The following DMD variants were observed in gnomAD, a reference collection of about 807,000 sequenced individuals.
The protein encoded by DMD is mutant dystrophin.
In DMD, 63 loss-of-function variants were observed where a neutral mutation model predicts 330.1. The observed-to-expected ratio is 0.19, with a 90% CI of 0.16 to 0.24. The LOEUF (loss-of-function observed/expected upper bound fraction) is 0.24, where lower values mean the gene tolerates loss of function less well. DMD is among the 10% of genes least tolerant of loss of function. The probability of loss-of-function intolerance (pLI) is 1.00; values close to 1 mark genes in which losing one functional copy is unlikely to be tolerated. For missense variants in DMD, 3,344 were observed against 2,684.1 expected, an observed-to-expected ratio of 1.25 and a Z score of -5.43; for synonymous variants, 1,223 against 959.8, an observed-to-expected ratio of 1.27 and a Z score of -5.07.
chrX:32,109,253 T>G (rs2096578407), intron 44 of DMD, among the ~76,000 whole-genome samples: 1 of 111,320 alleles, frequency 9.0e-6, no homozygotes, highest in Non-Finnish European at 1.9e-5. Context: ...ATTTTTTTTT[T>G]GCATTTAGAG....
At chrX:31,359,897 C>A (rs984200878) in intron 60 of DMD, among the ~76,000 whole-genome samples, 4 of 112,038 alleles carry the variant, frequency 3.6e-5, no homozygotes, top group Non-Finnish European at 7.5e-5. Flanking sequence ...TTTCTGATAA[C>A]TGCAAATTGC....
At chrX:31,202,200 CAA>C (rs1205712344) in intron 67 of DMD, among the ~76,000 whole-genome samples, 1 of 110,865 alleles carries the variant, frequency 9.0e-6, no homozygotes, top group African/African-American at 3.3e-5. Context: ...CAAAACAAAA[CAA>C]AAAAAACACA....
intron 1 of DMD, among the ~76,000 whole-genome samples, chrX:33,330,870 C>T (rs1019795694): frequency 2.7e-5 from 3 of 111,615 alleles, no homozygotes; most frequent in East Asian, 2.8e-4. Context: ...CCAGTTTTTC[C>T]ACATCACTCA....
At chrX:31,192,722 C>T (rs188819407) in intron 67 of DMD, among the ~76,000 whole-genome samples, 1 of 112,021 alleles carries the variant, frequency 8.9e-6, no homozygotes, top group African/African-American at 3.2e-5. Flanking sequence ...GTTAAGGAAA[C>T]AGCTTAAGAT....
intron 60 of DMD, among the ~76,000 whole-genome samples, chrX:31,386,351 T>C (rs887920818): frequency 7.2e-5 from 8 of 111,300 alleles, no homozygotes; most frequent in Non-Finnish European, 1.5e-4. Context: ...GTTGTGCACA[T>C]GTACCCTAGA....
At chrX:32,590,694 G>T (rs1314583345) in intron 13 of DMD, among the ~76,000 whole-genome samples, 2 of 111,728 alleles carry the variant, frequency 1.8e-5, no homozygotes, top group Non-Finnish European at 3.8e-5. Flanking sequence ...TCTTTGGACT[G>T]GGGGACTTAC....
At chrX:31,446,205 T>C (rs769731757) in intron 59 of DMD, among the ~76,000 whole-genome samples, 106 of 112,456 alleles carry the variant, frequency 9.4e-4, no homozygotes, top group Middle Eastern at 4.6e-3. Context: ...GTTGTGTAGT[T>C]CTTAGATAAT....
intron 45 of DMD, among the ~76,000 whole-genome samples, chrX:31,932,448 T>C (rs1232715095): frequency 8.9e-6 from 1 of 112,428 alleles, no homozygotes; most frequent in Non-Finnish European, 1.9e-5. Flanking sequence ...AGAAAAATTC[T>C]GATTCAAAAA....
At chrX:31,645,341 A>T (rs2148531991) in intron 54 of DMD, among the ~76,000 whole-genome samples, 1 of 112,181 alleles carries the variant, frequency 8.9e-6, no homozygotes, top group East Asian at 2.8e-4. Context: ...TCTGCCAGAG[A>T]ATCAATCTCT....
At chrX:32,390,741 A>G (rs762106870) in intron 30 of DMD, among the ~76,000 whole-genome samples, 3 of 110,932 alleles carry the variant, frequency 2.7e-5, no homozygotes, top group Non-Finnish European at 5.7e-5. Flanking sequence ...CCTGGTCCCA[A>G]ACTCCTGGTC....
At chrX:32,301,752 A>T (rs1014080562) in intron 42 of DMD, among the ~76,000 whole-genome samples, 2 of 111,433 alleles carry the variant, frequency 1.8e-5, no homozygotes, top group Non-Finnish European at 3.8e-5. Flanking sequence ...CTTTGCTTAG[A>T]GTTTCAATAT....
intron 2 of DMD, among the ~76,000 whole-genome samples, chrX:32,912,224 G>C (rs2087332600): frequency 9.0e-6 from 1 of 111,162 alleles, no homozygotes. Flanking sequence ...ATATGCAGCT[G>C]TTGCCAAAGA....
intron 2 of DMD, among the ~76,000 whole-genome samples, chrX:32,952,906 G>A (rs1161505556): frequency 1.8e-5 from 2 of 110,044 alleles, no homozygotes; most frequent in Non-Finnish European, 3.8e-5. Flanking sequence ...AGGCCAAGAC[G>A]GGCAGATCAC....
intron 48 of DMD, among the ~76,000 whole-genome samples, chrX:31,864,760 G>A (rs1302829548): frequency 9.0e-6 from 1 of 111,396 alleles, no homozygotes; most frequent in Non-Finnish European, 1.9e-5. Context: ...CAAAGTCCTA[G>A]GGTTACAGAC....
chrX:32,697,889 C>T lies in DMD; in HGVS notation c.941G>A (p.Arg314Gln), dbSNP rs751164104. 3 of 1,210,228 alleles carry T rather than the reference C, an allele frequency of 2.5e-6. No homozygotes were observed. The highest frequency in any genetic ancestry group is 3.4e-6 in the Non-Finnish European group (3 of 894,887). ...ACAGACCTGTGAAGGAAATGGGCTCCGTGTAGGGTCAGAGGTGGTGACATA... is the reference window on the plus strand; with the variant it reads ...ACAGACCTGTGAAGGAAATGGGCTCTGTGTAGGGTCAGAGGTGGTGACATA... Reference protein sequence around the residue: ...AAYVTTSDPTRSPFPSQHLEA... With the variant: ...AAYVTTSDPTQSPFPSQHLEA... The change falls in exon 9 of 79, where the codon CGG (arginine) becomes CAG (glutamine). Residue 314 changes from arginine to glutamine, a missense_variant. Physicochemically the swap from Arg to Gln is conservative, Grantham distance 43. Transcript: ENST00000357033.
chrX:32,329,160 G>T (rs2097666714), intron 41 of DMD, among the ~76,000 whole-genome samples: 1 of 112,379 alleles, frequency 8.9e-6, no homozygotes, highest in Non-Finnish European at 1.9e-5. Flanking sequence ...TCTAATGATA[G>T]CAGACAAATT....
intron 2 of DMD, among the ~76,000 whole-genome samples, chrX:32,938,254 T>A (rs1054374339): frequency 9.0e-6 from 1 of 111,640 alleles, no homozygotes; most frequent in African/African-American, 3.3e-5. Flanking sequence ...AAAAGGGTTA[T>A]CGAATTTATC....
chrX:31,997,561 T>G (rs1251922341), intron 44 of DMD, among the ~76,000 whole-genome samples: 1 of 111,103 alleles, frequency 9.0e-6, no homozygotes, highest in Non-Finnish European at 1.9e-5. Flanking sequence ...ATTTACTTTT[T>G]GTACTTTTTT....
chrX:33,313,485 A>G (rs2053880649), intron 1 of DMD, among the ~76,000 whole-genome samples: 1 of 111,714 alleles, frequency 9.0e-6, no homozygotes, highest in Non-Finnish European at 1.9e-5. Context: ...AAGTATTGTC[A>G]GTTAAGATGT....
Sources: allele counts gnomAD v4.1 joint callset (sites outside exome capture counted in the v4.1 genomes callset), GRCh38; gene constraint gnomAD v4.1.1; transcripts MANE v1.5; gene names NCBI Gene and HGNC (gene_info 2026-07-23, HGNC 2026-07-21).